Variants in SACS observed in about 807,000 individuals in gnomAD.
The protein encoded by SACS is sacsin molecular chaperone, also known as sacsin.
Under a neutral mutation model 348.0 loss-of-function variants are expected in SACS, and 197 were observed. That is an observed-to-expected ratio of 0.57 (90% CI 0.50 to 0.64). The LOEUF is 0.64. SACS is among the 30% of genes least tolerant of loss of function. SACS has a pLI of 0.00. For synonymous variants in SACS, 1,985 were observed against 1,910.6 expected (o/e 1.04, Z -1.02); for missense variants, 4,999 against 5,360.8 (o/e 0.93, Z 2.11).
At chr13:23,432,999 A>G (rs1044858066) in intron 1 of SACS, among the ~76,000 whole-genome samples, 7 of 152,236 alleles carry the variant, frequency 4.6e-5, no homozygotes, top group South Asian at 2.1e-4. Flanking sequence ...TACTCTTTCA[A>G]AGAATCTAAT....
intron 2 of SACS, among the ~76,000 whole-genome samples, chr13:23,398,534 C>CAA (rs59868515): frequency 1.3e-3 from 129 of 102,090 alleles, no homozygotes; most frequent in Non-Finnish European, 1.4e-3. Flanking sequence ...AACTCCGTCT[C>CAA]AAAAAAAAAA....
intron 9 of SACS, among the ~76,000 whole-genome samples, chr13:23,348,670 A>G (rs1025979565): frequency 1.3e-5 from 2 of 152,174 alleles, no homozygotes; most frequent in Admixed American, 1.3e-4. Flanking sequence ...CAAGATGTCA[A>G]AGAAAGCTTC....
intron 2 of SACS, among the ~76,000 whole-genome samples, chr13:23,408,386 C>T (rs916077432): frequency 3.3e-5 from 5 of 152,190 alleles, no homozygotes; most frequent in Admixed American, 2.0e-4. Flanking sequence ...AGGAGCCAGT[C>T]CCAAAGCAGC....
Position 23,336,064 on chromosome 13 carries a change from A to G in SACS, c.7812T>C (p.Ile2604=), listed in dbSNP as rs1593127031. The G allele has an allele frequency of 6.2e-7, 1 of 1,612,154 alleles. No individual in the cohort carries two copies. The change falls in exon 10 of 10, where the codon ATT becomes ATC. Residue 2604 remains isoleucine, a synonymous_variant. Coordinates refer to ENST00000382292, the MANE Select transcript of SACS (RefSeq NM_014363.6). The part of the protein sequence containing the change: ...QPFTEDDVRG[I]QNLGKGTKEG... ...CTTTCGTGCCTTTTCCAAGATTCTG[A>G]ATTCCTCTAACATCATCTTCTGTAA...
At chr13:23,398,830 T>C (rs574688984) in intron 2 of SACS, among the ~76,000 whole-genome samples, 128 of 151,638 alleles carry the variant, frequency 8.4e-4, no homozygotes, top group African/African-American at 3.0e-3. Context: ...GGATGCCTGG[T>C]TGAGACCACC....
intron 2 of SACS, among the ~76,000 whole-genome samples, chr13:23,389,408 A>AT (rs1555258310): frequency 4.6e-5 from 7 of 151,998 alleles, no homozygotes; most frequent in Non-Finnish European, 1.0e-4. Context: ...ATTGTAAAAA[A>AT]ATATATATAT....
chr13:23,353,206 A>AC (rs375966718), intron 9 of SACS, among the ~76,000 whole-genome samples: 1 of 151,968 alleles, frequency 6.6e-6, no homozygotes, highest in Admixed American at 6.6e-5. Flanking sequence ...TCACTTTAAG[A>AC]CCCCCGCAAG....
intron 3 of SACS, among the ~76,000 whole-genome samples, chr13:23,372,377 AAC>A (rs1871449944): frequency 6.6e-6 from 1 of 152,172 alleles, no homozygotes; most frequent in Non-Finnish European, 1.5e-5. Context: ...ATTTTACCAA[AAC>A]ACAGAAGGAG....
rs747569395 is a variant in SACS, at chr13:23,334,844, A to G, written c.9032T>C (p.Ile3011Thr). Residue 3011 changes from isoleucine (I) to threonine (T), a missense_variant, in exon 10 of 10, where the codon ATA (isoleucine) becomes ACA (threonine). Physicochemically the swap from Ile to Thr is moderately conservative, Grantham distance 89. Transcript: ENST00000382292. ...IDGSDLHSAV[I>T]ITWINMSTSN... is the part of the protein sequence containing the mutation. ...AGTAGACATATTGATCCAAGTAATTATAACTGCAGAGTGCAAGTCAGAGCC... is the reference window on the plus strand; with the variant it reads ...AGTAGACATATTGATCCAAGTAATTGTAACTGCAGAGTGCAAGTCAGAGCC... 5.6e-6 allele frequency: 9 copies of G among 1,613,914 alleles called. No individual in the cohort carries two copies. Among genetic ancestry groups the G allele is most frequent in the South Asian group, 1.1e-5 (1 of 91,080 alleles).
Position 23,331,572 on chromosome 13 carries a change from A to G in SACS, c.12304T>C (p.Leu4102=), listed in dbSNP as rs2737699. The G allele has an allele frequency of 0.26, 422,864 of 1,613,452 alleles. 58,017 individuals carry two copies. The highest frequency in any genetic ancestry group is 0.36 in the Admixed American group (21,868 of 59,984). Residue 4102 remains leucine (L), a synonymous_variant, in exon 10 of 10, where the codon TTG becomes CTG. Transcript: ENST00000382292. ...DSKDINFLLA[L]AMTLKSATDN... ...GTTGCTGATTTAAGAGTCATTGCCAATGCTAACAGGAAATTAATGTCTTTA... is the reference window on the plus strand; with the variant it reads ...GTTGCTGATTTAAGAGTCATTGCCAGTGCTAACAGGAAATTAATGTCTTTA...
intron 1 of SACS, among the ~76,000 whole-genome samples, chr13:23,419,682 G>A (rs1036578453): frequency 2.0e-5 from 3 of 152,050 alleles, no homozygotes; most frequent in Non-Finnish European, 2.9e-5. Flanking sequence ...TCTTGCTCTC[G>A]GACTAGTTGA....
At chr13:23,386,039 G>T in intron 2 of SACS, among the ~76,000 whole-genome samples, 1 of 152,238 alleles carries the variant, frequency 6.6e-6, no homozygotes, top group Non-Finnish European at 1.5e-5. Context: ...AGGCTTTGTT[G>T]TTCCATTTAT....
At chr13:23,380,846 G>A (rs1171797641) in intron 2 of SACS, among the ~76,000 whole-genome samples, 1 of 152,150 alleles carries the variant, frequency 6.6e-6, no homozygotes, top group Non-Finnish European at 1.5e-5. Flanking sequence ...GACCCGAGGG[G>A]ACATGCTATA....
chr13:23,343,883 T>G (rs947230093), intron 9 of SACS, among the ~76,000 whole-genome samples: 2 of 152,164 alleles, frequency 1.3e-5, no homozygotes, highest in Non-Finnish European at 2.9e-5. Flanking sequence ...CATTTAAAAA[T>G]TACTGCCATA....
chr13:23,392,049 G>A lies in SACS; in HGVS notation c.21-16780C>T, dbSNP rs141365016. Among the ~76,000 whole-genome samples the A allele has an allele frequency of 1.5e-3, 228 of 152,314 alleles. 1 individual carries two copies. Among genetic ancestry groups the A allele is most frequent in the African/African-American group, 3.8e-3 (156 of 41,582 alleles). On this transcript the variant is annotated intron_variant, in intron 2 of 9. Coordinates refer to ENST00000382292, the MANE Select transcript of SACS (RefSeq NM_014363.6). ...TGACTTTCCTGTCTCCCAGGATGCA[G>A]TAAAATGGAGCCCGGAGCTGGGAGC...
At position 23,338,414 on chromosome 13, in the gene SACS, C is replaced by T. The variant is rs781525831; in HGVS notation, c.5462G>A (p.Cys1821Tyr). ...KTVECTTWLL[C>Y]TCMDTGEALK... ...AGCCTCTCCTGTGTCCATGCAAGTA[C>T]ACAGAAGCCACGTGGTACACTCTAC... The change falls in exon 10 of 10, where the codon TGT (cysteine) becomes TAT (tyrosine). Residue 1821 changes from cysteine (C) to tyrosine (Y), a missense_variant. This residue lies in a region of SACS where 3,156 missense variants were observed against 3,380.1 expected (regional missense o/e 0.93). Transcript: ENST00000382292. The T allele has an allele frequency of 8.1e-6, 13 of 1,613,978 alleles. No individual in the cohort carries two copies. The Admixed American group carries it at 1.3e-4, about 17-fold the overall frequency.
chr13:23,356,028 C>A, intron 7 of SACS, 21 bp from the exon 8 acceptor site: 1 of 1,598,394 alleles, frequency 6.3e-7, no homozygotes, highest in South Asian at 1.1e-5. Context: ...AAATTTAAGT[C>A]ATGATCAACT....
At chr13:23,354,395 A>G (rs1043034657) in intron 8 of SACS, 124 bp downstream of exon 8, 2 of 782,500 alleles carry the variant, frequency 2.6e-6, no homozygotes, top group East Asian at 2.6e-5. Flanking sequence ...TATTTCTGCA[A>G]AAGTCTTCCT....
At chr13:23,371,194 A>C in intron 3 of SACS, 29 bp from the exon 4 acceptor site, 1 of 1,437,938 alleles carries the variant, frequency 7.0e-7, no homozygotes, top group East Asian at 2.3e-5. Context: ...AAATGTATGA[A>C]AAGCAATACA....
Sources: allele counts gnomAD v4.1 joint callset (sites outside exome capture counted in the v4.1 genomes callset), GRCh38; gene constraint gnomAD v4.1.1; regional missense constraint gnomAD v4.1.1; transcripts MANE v1.5; gene names NCBI Gene and HGNC (gene_info 2026-07-23, HGNC 2026-07-21).